The following ESR1 variants were observed in gnomAD, a reference collection of about 807,000 sequenced individuals.
ESR1 encodes the protein estrogen receptor.
In ESR1, 12 loss-of-function variants were observed where a neutral mutation model predicts 52.7. The observed-to-expected ratio is 0.23, with a 90% CI of 0.15 to 0.37. The LOEUF (loss-of-function observed/expected upper bound fraction) is 0.37, where lower values mean the gene tolerates loss of function less well. ESR1 is among the 10% of genes least tolerant of loss of function. ESR1 has a pLI of 1.00. For missense variants in ESR1, 584 were observed against 779.7 expected (o/e 0.75, Z 2.99); for synonymous variants, 305 against 316.8 (o/e 0.96, Z 0.39).
intron 6 of ESR1, among the ~76,000 whole-genome samples, chr6:152,077,156 AACTT>A (rs1192721057): frequency 6.6e-6 from 1 of 152,126 alleles, no homozygotes; most frequent in East Asian, 1.9e-4. Context: ...GCAGCCTAGG[AACTT>A]GGTGCCCTGC....
chr6:152,061,202 C>T lies in ESR1; in HGVS notation c.1369+78C>T, dbSNP rs2128959385. On this transcript the variant is annotated intron_variant, in intron 6 of 7. Coordinates refer to ENST00000206249, the MANE Select transcript of ESR1 (RefSeq NM_000125.4). The surrounding 1 kb of genome is among the most constrained non-coding windows in gnomAD (Gnocchi z 4.3). ...TTTTCAACCAGATACGATCTACCCA[C>T]TCCAAAGGCATAATGTCATAAATAG... The T allele has an allele frequency of 7.4e-7, 1 of 1,360,090 alleles. No individual in the cohort carries two copies. Among genetic ancestry groups the T allele is most frequent in the Non-Finnish European group, 1.0e-6 (1 of 952,746 alleles). The allele number at this position is 1,360,090 out of a possible 1,614,324, so 84.3% of individuals were successfully genotyped here.
chr6:152,001,769 CT>C (rs2041965287), intron 4 of ESR1, among the ~76,000 whole-genome samples: 1 of 151,972 alleles, frequency 6.6e-6, no homozygotes, highest in Non-Finnish European at 1.5e-5. Context: ...AATTTTTCTC[CT>C]TTCTTTGGTT....
At chr6:151,935,149 T>C (rs2034201421) in intron 3 of ESR1, among the ~76,000 whole-genome samples, 2 of 152,206 alleles carry the variant, frequency 1.3e-5, no homozygotes. Context: ...TGTAACTTTG[T>C]CAAGAGCTTA....
At chr6:152,027,030 G>C (rs1411955153) in intron 5 of ESR1, among the ~76,000 whole-genome samples, 4 of 151,000 alleles carry the variant, frequency 2.6e-5, no homozygotes, top group Non-Finnish European at 5.9e-5. Flanking sequence ...GCAATGGCAC[G>C]ATCTCGGCTC....
intron 3 of ESR1, among the ~76,000 whole-genome samples, chr6:151,914,037 C>G (rs765920354): frequency 9.2e-5 from 14 of 152,020 alleles, no homozygotes; most frequent in Non-Finnish European, 1.3e-4. Flanking sequence ...GTTTCAGGAT[C>G]TCTGTGTTCT....
At chr6:151,950,497 A>G (rs1039333057) in intron 4 of ESR1, among the ~76,000 whole-genome samples, 2 of 152,236 alleles carry the variant, frequency 1.3e-5, no homozygotes, top group African/African-American at 4.8e-5. Flanking sequence ...TTCTTTGGAA[A>G]TAGTGCCTTT....
At chr6:151,702,739 TACTG>T (rs1185651669) in intron 2 of ESR1, among the ~76,000 whole-genome samples, 2 of 152,226 alleles carry the variant, frequency 1.3e-5, no homozygotes, top group Non-Finnish European at 2.9e-5. Context: ...TAAAATAACT[TACTG>T]ACTGTCAAGT....
intron 4 of ESR1, among the ~76,000 whole-genome samples, chr6:152,002,365 GT>G (rs2042026781): frequency 6.6e-6 from 1 of 151,980 alleles, no homozygotes; most frequent in African/African-American, 2.4e-5. Flanking sequence ...TTCCCTCGTA[GT>G]TTTTGTTTTG....
chr6:151,797,457 CT>C (rs1294694446), intron 2 of ESR1, among the ~76,000 whole-genome samples: 1 of 152,166 alleles, frequency 6.6e-6, no homozygotes, highest in East Asian at 1.9e-4. Context: ...TTAGAAAGGA[CT>C]TTATTCCTTT....
At chr6:151,793,413 A>T (rs1776388650) in intron 2 of ESR1, among the ~76,000 whole-genome samples, 1 of 152,178 alleles carries the variant, frequency 6.6e-6, no homozygotes, top group Non-Finnish European at 1.5e-5. Flanking sequence ...TTTTACAGGT[A>T]ATATTTTTTT....
Position 152,098,031 on chromosome 6 carries a change from T to C in ESR1, c.1554-701T>C, listed in dbSNP as rs572789364. ...GGTAGGCCTTTCCGAGGAGGCGGCA[T>C]TTGAAGACCGGAGGAAGGTTCATCC... On this transcript the variant is annotated intron_variant, in intron 7 of 7. Transcript: ENST00000206249. The surrounding 1 kb of genome is among the most constrained non-coding windows in gnomAD (Gnocchi z 5.1). Among the ~76,000 whole-genome samples, 12 of 152,180 alleles carry C rather than the reference T, an allele frequency of 7.9e-5. No individual in the cohort carries two copies. The highest frequency in any genetic ancestry group is 1.3e-4 in the Non-Finnish European group (9 of 68,048).
At chr6:152,082,171 T>C (rs1328039965) in intron 6 of ESR1, among the ~76,000 whole-genome samples, 1 of 152,162 alleles carries the variant, frequency 6.6e-6, no homozygotes, top group Non-Finnish European at 1.5e-5. Flanking sequence ...AAAGAGAATT[T>C]TAGGCTAATA....
chr6:152,122,103 T>TCATGAAAAAA, intron 6 of ESR1: 1 of 382,988 alleles, frequency 2.6e-6, no homozygotes. Flanking sequence ...GATGGTCTAC[T>TCATGAAAAAA]GAAGTCCTTG....
rs533624247 is a variant in ESR1 at position 151,958,211 on chromosome 6, A to AATGAATATTCTG, written c.1096+13705_1096+13716dup. On this transcript the variant is annotated intron_variant, in intron 4 of 7. Coordinates refer to ENST00000206249, the MANE Select transcript of ESR1 (RefSeq NM_000125.4). ...ACAATTTTAGAATTAGATATCTTGT[A>AATGAATATTCTG]ATGAATATTCTGACGTGGTGTCAAC... 3.3e-5 allele frequency among the ~76,000 whole-genome samples: 5 copies of AATGAATATTCTG among 152,352 alleles called. No individual in the cohort carries two copies. The South Asian group carries it at 1.0e-3, about 32-fold the overall frequency.
chr6:151,858,122 A>G (rs997123193), intron 2 of ESR1, among the ~76,000 whole-genome samples: 1 of 152,198 alleles, frequency 6.6e-6, no homozygotes, highest in African/African-American at 2.4e-5. Flanking sequence ...GCAAGAGGTC[A>G]AATTTGCACT....
intron 4 of ESR1, among the ~76,000 whole-genome samples, chr6:151,998,210 G>A (rs1433200510): frequency 1.3e-5 from 2 of 152,044 alleles, no homozygotes; most frequent in Non-Finnish European, 2.9e-5. Flanking sequence ...TTATTTCTCT[G>A]AAGCATCCCC....
intron 3 of ESR1, among the ~76,000 whole-genome samples, chr6:151,935,836 G>A (rs2034289243): frequency 6.6e-6 from 1 of 152,090 alleles, no homozygotes; most frequent in Non-Finnish European, 1.5e-5. Flanking sequence ...CTAAATTTCT[G>A]TAACTTTAGG....
intron 2 of ESR1, among the ~76,000 whole-genome samples, chr6:151,877,183 C>A (rs1010095087): frequency 6.6e-6 from 1 of 151,938 alleles, no homozygotes; most frequent in African/African-American, 2.4e-5. Context: ...CATATGTATA[C>A]ATGTGCCATG....
chr6:151,771,848 A>C (rs1315531955), intron 2 of ESR1, among the ~76,000 whole-genome samples: 1 of 152,208 alleles, frequency 6.6e-6, no homozygotes, highest in Non-Finnish European at 1.5e-5. Context: ...TAAAAAAAAC[A>C]ACAACTGACA....
Sources: allele counts gnomAD v4.1 joint callset (sites outside exome capture counted in the v4.1 genomes callset), GRCh38; gene constraint gnomAD v4.1.1; non-coding constraint Gnocchi (gnomAD v3.1); transcripts MANE v1.5; gene names NCBI Gene and HGNC (gene_info 2026-07-23, HGNC 2026-07-21).